KIAA1549L: variants seen among roughly 807,000 people sequenced by gnomAD.
The protein encoded by KIAA1549L is UPF0606 protein KIAA1549L.
KIAA1549L carries 88 observed loss-of-function variants against 160.7 expected under a neutral mutation model. The ratio of observed to expected loss-of-function variants is 0.55; its 90% confidence interval spans 0.46 to 0.65. The LOEUF is 0.65. KIAA1549L is among the 30% of genes least tolerant of loss of function. The pLI, the probability that KIAA1549L is intolerant of heterozygous loss-of-function variation, is 0.00. For synonymous variants in KIAA1549L, 950 were observed against 976.7 expected (o/e 0.97, Z 0.51); for missense variants, 2,258 against 2,437.5 (o/e 0.93, Z 1.55).
intron 1 of KIAA1549L, among the ~76,000 whole-genome samples, chr11:33,468,937 G>T (rs1394114859): frequency 2.0e-5 from 3 of 152,078 alleles, no homozygotes; most frequent in Non-Finnish European, 4.4e-5. Flanking sequence ...GTTGAAAGAG[G>T]GTACAATAAT....
chr11:33,605,121 C>T (rs1479793305), intron 13 of KIAA1549L, among the ~76,000 whole-genome samples: 1 of 151,940 alleles, frequency 6.6e-6, no homozygotes, highest in Non-Finnish European at 1.5e-5. Context: ...AGTAAGTGAT[C>T]CGAGAGAGAG....
intron 1 of KIAA1549L, among the ~76,000 whole-genome samples, chr11:33,434,559 C>T (rs1468125560): frequency 6.6e-6 from 1 of 152,172 alleles, no homozygotes; most frequent in Admixed American, 6.5e-5. Flanking sequence ...GAGCAGCTTG[C>T]ACAAGCTAGC....
chr11:33,602,380 A>T (rs1021202648), intron 13 of KIAA1549L, among the ~76,000 whole-genome samples: 1 of 152,254 alleles, frequency 6.6e-6, no homozygotes, highest in Non-Finnish European at 1.5e-5. Flanking sequence ...TTCCCAATGA[A>T]GTGAAGACTT....
intron 1 of KIAA1549L, among the ~76,000 whole-genome samples, chr11:33,493,087 T>C (rs927090898): frequency 5.3e-5 from 8 of 152,170 alleles, no homozygotes; most frequent in Non-Finnish European, 1.0e-4. Context: ...TCTTGGTCTT[T>C]CCCTTGTGGC....
At chr11:33,465,929 C>G (rs1414974163) in intron 1 of KIAA1549L, among the ~76,000 whole-genome samples, 1 of 152,152 alleles carries the variant, frequency 6.6e-6, no homozygotes, top group Non-Finnish European at 1.5e-5. Context: ...AGGACATAGG[C>G]ATGGACAAGG....
At chr11:33,406,546 A>AC (rs1386627956) in intron 1 of KIAA1549L, among the ~76,000 whole-genome samples, 1 of 151,806 alleles carries the variant, frequency 6.6e-6, no homozygotes, top group African/African-American at 2.4e-5. Context: ...AACTCAAACT[A>AC]CCCCCTTTGC....
At chr11:33,455,533 T>C (rs1463607170) in intron 1 of KIAA1549L, among the ~76,000 whole-genome samples, 1 of 152,184 alleles carries the variant, frequency 6.6e-6, no homozygotes, top group Non-Finnish European at 1.5e-5. Context: ...GTTTCTTGTT[T>C]GGTTTATGGT....
At chr11:33,481,455 TA>T (rs1392479713) in intron 1 of KIAA1549L, among the ~76,000 whole-genome samples, 5 of 152,262 alleles carry the variant, frequency 3.3e-5, no homozygotes, top group Non-Finnish European at 7.3e-5. Context: ...TTGCCTGGTT[TA>T]AAAGTTATTT....
chr11:33,595,926 G>A (rs570237119), intron 12 of KIAA1549L, among the ~76,000 whole-genome samples: 28 of 152,202 alleles, frequency 1.8e-4, no homozygotes, highest in Non-Finnish European at 3.1e-4. Context: ...GGTGTTCTGC[G>A]TCCTTTTCCT....
chr11:33,650,069 G>A (rs1258160039), intron 17 of KIAA1549L, among the ~76,000 whole-genome samples: 4 of 152,116 alleles, frequency 2.6e-5, no homozygotes, highest in Admixed American at 2.0e-4. Flanking sequence ...CGGAAGGAGA[G>A]GACCTGCACC....
chr11:33,592,046 G>T (rs1850070532), intron 12 of KIAA1549L, among the ~76,000 whole-genome samples: 1 of 152,206 alleles, frequency 6.6e-6, no homozygotes, highest in Admixed American at 6.5e-5. Context: ...GCTGAGCCTT[G>T]AAAAGTGAGT....
intron 11 of KIAA1549L, among the ~76,000 whole-genome samples, chr11:33,589,862 G>A (rs1490927005): frequency 1.3e-5 from 2 of 152,152 alleles, no homozygotes; most frequent in Non-Finnish European, 2.9e-5. Context: ...GTATACATAT[G>A]TAACCTGCAT....
intron 17 of KIAA1549L, among the ~76,000 whole-genome samples, chr11:33,650,141 A>T (rs1851844304): frequency 6.6e-6 from 1 of 152,328 alleles, no homozygotes; most frequent in Admixed American, 6.5e-5. Context: ...CCATTCTATC[A>T]TAGCTGGACC....
At chr11:33,592,759 A>G (rs1322696902) in intron 12 of KIAA1549L, among the ~76,000 whole-genome samples, 1 of 152,236 alleles carries the variant, frequency 6.6e-6, no homozygotes, top group African/African-American at 2.4e-5. Flanking sequence ...AGGGATAGAG[A>G]AATGGAGAAG....
At chr11:33,563,923 C>T (rs1220264427) in intron 8 of KIAA1549L, among the ~76,000 whole-genome samples, 1 of 152,182 alleles carries the variant, frequency 6.6e-6, no homozygotes, top group African/African-American at 2.4e-5. Flanking sequence ...TCTTCATCTA[C>T]CCGTGTCTTG....
chr11:33,434,620 G>T (rs1230333115), intron 1 of KIAA1549L, among the ~76,000 whole-genome samples: 1 of 152,148 alleles, frequency 6.6e-6, no homozygotes, highest in Non-Finnish European at 1.5e-5. Context: ...CCTGTTCTGG[G>T]CCCCACTCAA....
intron 8 of KIAA1549L, 116 bp downstream of exon 8, chr11:33,561,851 T>G: frequency 1.4e-6 from 1 of 738,010 alleles, no homozygotes; most frequent in Non-Finnish European, 2.3e-6. Flanking sequence ...GTCTTATAAG[T>G]CAGGAAGTTA....
At chr11:33,483,097 CCT>C in intron 1 of KIAA1549L, among the ~76,000 whole-genome samples, 1 of 152,180 alleles carries the variant, frequency 6.6e-6, no homozygotes, top group Admixed American at 6.5e-5. Flanking sequence ...TCCTCCTCCT[CCT>C]CTCTTTCCCT....
intron 3 of KIAA1549L, among the ~76,000 whole-genome samples, chr11:33,546,284 A>C (rs899682617): frequency 1.3e-5 from 2 of 152,174 alleles, no homozygotes; most frequent in Admixed American, 6.5e-5. Flanking sequence ...AAATTACAGT[A>C]TCTCTCTCTG....
Sources: gnomAD v4.1 joint callset for allele counts (sites outside exome capture counted in the v4.1 genomes callset) on GRCh38, gnomAD v4.1.1 for gene constraint, MANE v1.5 for transcripts, NCBI Gene and HGNC (gene_info 2026-07-23, HGNC 2026-07-21) for gene names.